MCM3AP: variants seen among roughly 807,000 people sequenced by gnomAD.
The protein encoded by MCM3AP is germinal-center associated nuclear protein.
A neutral mutation model predicts 184.1 loss-of-function variants in MCM3AP; 126 were observed. That is an observed-to-expected ratio of 0.68 (90% CI 0.59 to 0.79). MCM3AP has a LOEUF of 0.79. MCM3AP is among the 30% of genes least tolerant of loss of function. The probability of loss-of-function intolerance (pLI) is 0.00; values close to 1 mark genes in which losing one functional copy is unlikely to be tolerated. For synonymous variants in MCM3AP, 1,002 were observed against 979.3 expected, an observed-to-expected ratio of 1.02 and a Z score of -0.43; for missense variants, 2,496 against 2,479.2, an observed-to-expected ratio of 1.01 and a Z score of -0.14.
At position 46,237,662 on chromosome 21, in the gene MCM3AP, G is replaced by A. The variant is rs2080569493; in HGVS notation, c.5634-683C>T. Among the ~76,000 whole-genome samples the A allele has an allele frequency of 1.7e-5, 2 of 117,388 alleles. 1 individual carries two copies. Among genetic ancestry groups the A allele is most frequent in the Admixed American group, 1.9e-4 (2 of 10,688 alleles). 77.0% of individuals were successfully genotyped at this position (117,388 alleles called of 152,430 possible). A position where few individuals can be genotyped will look rare whatever the true frequency, so the allele number is the denominator to read the frequency against. On this transcript the variant is annotated intron_variant, in intron 26 of 27. Coordinates refer to ENST00000291688, the MANE Select transcript of MCM3AP (RefSeq NM_003906.5). The stretch of plus-strand genomic sequence containing the variant: ...TGTGCACACCTCAGCCTCCCAAAGT[G>A]CTGGGATTATAGGCATGAGTCACCA...
chr21:46,276,440 TG>T (rs1168167083), intron 5 of MCM3AP, among the ~76,000 whole-genome samples: 2 of 152,094 alleles, frequency 1.3e-5, no homozygotes, highest in Non-Finnish European at 2.9e-5. Flanking sequence ...CTCCTATAGC[TG>T]ATTTTTTTTT....
Position 46,270,412 on chromosome 21 carries a change from A to T in MCM3AP, c.2617T>A (p.Tyr873Asn). 6.2e-7 allele frequency: 1 copy of T among 1,611,868 alleles called. No individual in the cohort carries two copies. The highest frequency in any genetic ancestry group is 8.5e-7 in the Non-Finnish European group (1 of 1,179,302). The change falls in exon 9 of 28, where the codon TAC (tyrosine) becomes AAC (asparagine). Residue 873 changes from tyrosine (Y) to asparagine (N), a missense_variant. Tyr to Asn is a moderately radical substitution (Grantham distance 143). This residue lies in a region of MCM3AP where 138 missense variants were observed against 191.9 expected (regional missense o/e 0.72). Coordinates refer to ENST00000291688, the MANE Select transcript of MCM3AP (RefSeq NM_003906.5). The stretch of plus-strand genomic sequence containing the variant: ...GCTCATTTACTCACCTGACTGAAGT[A>T]ACAGTGTAAAAGACAAGCGTTCAGG... ...SYLNACLLHC[Y>N]FSQIRKDALR... is the part of the protein sequence containing the mutation.
intron 6 of MCM3AP, 36 bp downstream of exon 6, chr21:46,275,150 C>G: frequency 6.3e-7 from 1 of 1,591,170 alleles, no homozygotes; most frequent in Non-Finnish European, 8.5e-7. Flanking sequence ...AGCCCCGTCC[C>G]CTGCCCACAC....
chr21:46,282,126 G>A (rs1405518459), intron 2 of MCM3AP, among the ~76,000 whole-genome samples: 1 of 152,082 alleles, frequency 6.6e-6, no homozygotes, highest in African/African-American at 2.4e-5. Flanking sequence ...AACACAGTAA[G>A]ACCCCATCTA....
At chr21:46,265,258 A>G in intron 12 of MCM3AP, 63 bp downstream of exon 12, 1 of 1,489,552 alleles carries the variant, frequency 6.7e-7, no homozygotes, top group East Asian at 2.3e-5. Flanking sequence ...TGGGGTGATG[A>G]CTAAGGACGT....
intron 11 of MCM3AP, 59 bp downstream of exon 11, chr21:46,265,866 G>T (rs888975417): frequency 1.3e-6 from 2 of 1,502,574 alleles, no homozygotes; most frequent in Non-Finnish European, 1.8e-6. Flanking sequence ...AGGCTCCTGG[G>T]AGGCGTTCTG....
At chr21:46,261,578 C>A (rs1327417491) in intron 13 of MCM3AP, among the ~76,000 whole-genome samples, 167 bp from the exon 14 acceptor site, 2 of 151,692 alleles carry the variant, frequency 1.3e-5, no homozygotes, top group Non-Finnish European at 2.9e-5. Context: ...ACTAAAAATA[C>A]AAAAATTAGC....
At chr21:46,267,618 C>CAG (rs2081130405) in intron 9 of MCM3AP, 1 of 154,668 alleles carries the variant, frequency 6.5e-6, no homozygotes, top group Admixed American at 6.4e-5. Context: ...AGACCAGGTG[C>CAG]AGTAGCTCAT....
chr21:46,250,194 C>T (rs890237735), intron 20 of MCM3AP: 1 of 152,252 alleles, frequency 6.6e-6, no homozygotes, highest in Non-Finnish European at 1.5e-5. Context: ...GGTTATAGAA[C>T]ACTACTGGTT....
chr21:46,241,249 T>G (rs17183318), intron 25 of MCM3AP: 4 of 508,586 alleles, frequency 7.9e-6, no homozygotes, highest in Non-Finnish European at 1.4e-5. Context: ...GGGACCCTTA[T>G]GCACAGAGGC....
At position 46,275,213 on chromosome 21, in the gene MCM3AP, C is replaced by T. The variant is rs751324666; in HGVS notation, c.1971G>A (p.Val657=). Residue 657 remains valine, a synonymous_variant, in exon 6 of 28, where the codon GTG becomes GTA. Transcript: ENST00000291688. ...YMRETRSQLS[V]FEVVPGTDQV... is the part of the protein sequence containing the mutation. Reference sequence around the variant, plus strand: ...GGTCAGTCCCTGGGACCACTTCGAACACGCTCAGCTGGCTACGGGTCTCCC... The same window carrying T: ...GGTCAGTCCCTGGGACCACTTCGAATACGCTCAGCTGGCTACGGGTCTCCC... 6.2e-7 allele frequency: 1 copy of T among 1,613,954 alleles called. No homozygotes were observed. Among genetic ancestry groups the T allele is most frequent in the Non-Finnish European group, 8.5e-7 (1 of 1,179,936 alleles).
intron 15 of MCM3AP, among the ~76,000 whole-genome samples, chr21:46,259,688 G>A (rs751849252): frequency 4.0e-5 from 6 of 151,828 alleles, no homozygotes; most frequent in Admixed American, 1.3e-4. Context: ...CAGGGCAGGC[G>A]GATCACGAGG....
At chr21:46,248,526 G>A (rs1426493882) in intron 20 of MCM3AP, among the ~76,000 whole-genome samples, 1 of 151,896 alleles carries the variant, frequency 6.6e-6, no homozygotes, top group Non-Finnish European at 1.5e-5. Context: ...TAGCCTTTTA[G>A]GGCCTCACTC....
intron 11 of MCM3AP, 152 bp downstream of exon 11, chr21:46,265,773 G>A (rs1244231678): frequency 2.0e-6 from 2 of 1,003,394 alleles, no homozygotes; most frequent in Non-Finnish European, 2.9e-6. Context: ...CTGAGCATGA[G>A]GAAGAGCCAC....
At chr21:46,274,180 T>A (rs17176331) in intron 6 of MCM3AP, among the ~76,000 whole-genome samples, 11 of 152,228 alleles carry the variant, frequency 7.2e-5, no homozygotes, top group Admixed American at 7.2e-4. Flanking sequence ...AGGCGAAGGG[T>A]GTATAAAGCC....
chr21:46,275,978 C>G (rs1601540109), intron 5 of MCM3AP, among the ~76,000 whole-genome samples: 1 of 152,232 alleles, frequency 6.6e-6, no homozygotes, highest in East Asian at 1.9e-4. Flanking sequence ...TGGGCCCGGC[C>G]TGGTGGCTCA....
intron 5 of MCM3AP, among the ~76,000 whole-genome samples, chr21:46,276,183 C>A (rs773204734): frequency 6.6e-6 from 1 of 151,342 alleles, no homozygotes; most frequent in Non-Finnish European, 1.5e-5. Context: ...ACCCGGGAGG[C>A]GGACGTTGCA....
At chr21:46,256,768 C>T (rs1296654634) in intron 17 of MCM3AP, 21 bp downstream of exon 17, 2 of 1,538,190 alleles carry the variant, frequency 1.3e-6, no homozygotes, top group Admixed American at 4.0e-5. Context: ...CCTGACGAGG[C>T]AGGCGACAGC....
At chr21:46,281,922 G>A (rs531952838) in intron 2 of MCM3AP, among the ~76,000 whole-genome samples, 5 of 152,062 alleles carry the variant, frequency 3.3e-5, no homozygotes, top group African/African-American at 9.6e-5. Context: ...CGCTTGAACT[G>A]GAAAGGTAAA....
Sources: allele counts gnomAD v4.1 joint callset (sites outside exome capture counted in the v4.1 genomes callset), GRCh38; gene constraint gnomAD v4.1.1; regional missense constraint gnomAD v4.1.1; transcripts MANE v1.5; gene names NCBI Gene and HGNC (gene_info 2026-07-23, HGNC 2026-07-21).